COL5A2: variants seen among roughly 807,000 people sequenced by gnomAD.
The protein encoded by COL5A2 is collagen alpha-2(V) chain.
A neutral mutation model predicts 208.2 loss-of-function variants in COL5A2; 23 were observed. The observed-to-expected ratio is 0.11, with a 90% confidence interval of 0.08 to 0.16. The LOEUF (loss-of-function observed/expected upper bound fraction) is 0.16, where lower values mean the gene tolerates loss of function less well. COL5A2 is among the 10% of genes least tolerant of loss of function. COL5A2 has a pLI of 1.00. For synonymous variants in COL5A2, 625 were observed against 628.5 expected, an observed-to-expected ratio of 0.99 and a Z score of 0.08; for missense variants, 1,590 against 1,956.4, an observed-to-expected ratio of 0.81 and a Z score of 3.53.
chr2:189,385,655 C>G, the COL5A2 span, among the ~76,000 whole-genome samples: 10 of 150,714 alleles, frequency 6.6e-5, no homozygotes, highest in Admixed American at 5.9e-4. Flanking sequence ...AAAAAAAAAC[C>G]AGCCTGAATA....
chr2:189,088,852 T>C (rs1686722097), intron 7 of COL5A2, 80 bp from the exon 8 acceptor site: 2 of 1,049,226 alleles, frequency 1.9e-6, no homozygotes, highest in Non-Finnish European at 3.0e-6. Flanking sequence ...AAATGTACAC[T>C]CTCTAGAATT....
In COL5A2 at chr2:189,077,854, G is replaced by C. The variant is rs146307076; in HGVS notation, c.1059+662C>G. On this transcript the variant is annotated intron_variant, in intron 16 of 53. Transcript: ENST00000374866. ...TCGGATCTTGAAATAATAGAGGAAA[G>C]GTGGCAGTCCTTAACTATCTAAAGC... is the stretch of plus-strand genomic sequence containing the variant. 3.7e-4 allele frequency among the ~76,000 whole-genome samples: 57 copies of C among 152,190 alleles called. 1 individual carries two copies. The highest frequency in any genetic ancestry group is 1.4e-3 in the African/African-American group (57 of 41,528).
intron 51 of COL5A2, among the ~76,000 whole-genome samples, chr2:189,038,398 A>G (rs957098086): frequency 2.6e-5 from 4 of 152,190 alleles, no homozygotes; most frequent in Admixed American, 1.3e-4. Flanking sequence ...TCCATCATAT[A>G]TATGTACCAC....
the COL5A2 span, among the ~76,000 whole-genome samples, chr2:189,306,309 G>A: frequency 6.6e-6 from 1 of 152,130 alleles, no homozygotes; most frequent in African/African-American, 2.4e-5. Flanking sequence ...CACTCCCCAT[G>A]GAGTTGATTG....
chr2:189,118,113 A>AGAGAAGCG (rs1687431190), intron 1 of COL5A2, among the ~76,000 whole-genome samples: 1 of 152,028 alleles, frequency 6.6e-6, no homozygotes, highest in Non-Finnish European at 1.5e-5. Flanking sequence ...CTGGGCTATT[A>AGAGAAGCG]CCTGATTTTT....
intron 1 of COL5A2, among the ~76,000 whole-genome samples, chr2:189,209,428 A>G (rs2105865949): frequency 6.6e-6 from 1 of 152,350 alleles, no homozygotes; most frequent in Admixed American, 6.5e-5. Context: ...AGCACTTAAC[A>G]TATACAGGTA....
intron 1 of COL5A2, among the ~76,000 whole-genome samples, chr2:189,192,034 C>T (rs192447832): frequency 1.3e-5 from 2 of 152,244 alleles, no homozygotes; most frequent in East Asian, 3.9e-4. Flanking sequence ...TTCTGCTTTT[C>T]ACATAACAAC....
At chr2:189,276,341 C>T in the COL5A2 span, among the ~76,000 whole-genome samples, 9 of 152,274 alleles carry the variant, frequency 5.9e-5, no homozygotes, top group African/African-American at 1.9e-4. Flanking sequence ...TGTGTAATAA[C>T]CACCACATGC....
the COL5A2 span, among the ~76,000 whole-genome samples, chr2:189,251,307 T>C: frequency 6.6e-6 from 1 of 152,168 alleles, no homozygotes; most frequent in Non-Finnish European, 1.5e-5. Flanking sequence ...AATGATATTC[T>C]GTAGACACTA....
intron 1 of COL5A2, among the ~76,000 whole-genome samples, chr2:189,132,161 T>C (rs764043617): frequency 2.0e-5 from 3 of 152,370 alleles, no homozygotes; most frequent in African/African-American, 7.2e-5. Context: ...GTGGCCAGAA[T>C]AGCCACGTTT....
At chr2:189,268,559 T>C in the COL5A2 span, among the ~76,000 whole-genome samples, 5 of 152,114 alleles carry the variant, frequency 3.3e-5, no homozygotes, top group African/African-American at 1.2e-4. Context: ...GATTTGCTGC[T>C]AATGAATAGT....
the COL5A2 span, among the ~76,000 whole-genome samples, chr2:189,426,210 C>G: frequency 2.0e-5 from 3 of 152,108 alleles, no homozygotes; most frequent in African/African-American, 7.2e-5. Context: ...GTGATATGGA[C>G]AAGGAATTCC....
At chr2:189,045,308 C>T in intron 46 of COL5A2, 76 bp from the exon 47 acceptor site, 1 of 939,288 alleles carries the variant, frequency 1.1e-6, no homozygotes, top group Non-Finnish European at 1.7e-6. Flanking sequence ...AGGATGTCAA[C>T]AATACGTTTA....
chr2:189,315,423 G>A, the COL5A2 span, among the ~76,000 whole-genome samples: 1 of 152,112 alleles, frequency 6.6e-6, no homozygotes, highest in Non-Finnish European at 1.5e-5. Flanking sequence ...GGTATTGAAG[G>A]AAAATACCTC....
At chr2:189,047,120 CAAAAAAA>C (rs57456004) in intron 45 of COL5A2, among the ~76,000 whole-genome samples, 1 of 109,376 alleles carries the variant, frequency 9.1e-6, no homozygotes, top group Non-Finnish European at 2.0e-5. Context: ...GACTCTGTCT[CAAAAAAA>C]AAAAAAAAAA....
the COL5A2 span, among the ~76,000 whole-genome samples, chr2:189,321,864 C>A: frequency 6.6e-6 from 1 of 152,236 alleles, no homozygotes; most frequent in Non-Finnish European, 1.5e-5. Context: ...CACAAATCAA[C>A]AGAATATACA....
At chr2:189,400,955 A>G in the COL5A2 span, among the ~76,000 whole-genome samples, 1 of 152,206 alleles carries the variant, frequency 6.6e-6, no homozygotes. Context: ...AAATGATTGC[A>G]GATTGTTTTT....
chr2:189,271,591 A>C, the COL5A2 span, among the ~76,000 whole-genome samples: 3 of 152,212 alleles, frequency 2.0e-5, no homozygotes, highest in African/African-American at 7.2e-5. Flanking sequence ...TTCAGGACAT[A>C]GGCATGGGCA....
intron 1 of COL5A2, among the ~76,000 whole-genome samples, chr2:189,217,980 A>G (rs1047608551): frequency 1.3e-5 from 2 of 152,138 alleles, no homozygotes; most frequent in Non-Finnish European, 2.9e-5. Context: ...TCATCCACGA[A>G]ACAGCATCCA....
Sources: gnomAD v4.1 joint callset for allele counts (sites outside exome capture counted in the v4.1 genomes callset) on GRCh38, gnomAD v4.1.1 for gene constraint, MANE v1.5 for transcripts, NCBI Gene and HGNC (gene_info 2026-07-23, HGNC 2026-07-21) for gene names.